Variants in PDS5A observed in about 807,000 individuals in gnomAD.
PDS5A encodes the protein PDS5 cohesin associated factor A, also known as sister chromatid cohesion protein PDS5 homolog A.
In PDS5A, 42 loss-of-function variants were observed where a neutral mutation model predicts 167.1. The observed-to-expected ratio is 0.25, with a 90% CI of 0.20 to 0.33. The LOEUF (loss-of-function observed/expected upper bound fraction) is 0.33. PDS5A is among the 10% of genes least tolerant of loss of function. The probability of loss-of-function intolerance (pLI) is 1.00; values close to 1 mark genes in which losing one functional copy is unlikely to be tolerated. For synonymous variants in PDS5A, 553 were observed against 554.6 expected, an observed-to-expected ratio of 1.00 and a Z score of 0.04; for missense variants, 1,033 against 1,605.9, an observed-to-expected ratio of 0.64 and a Z score of 6.10.
At chr4:39,909,105 T>A (rs933612379) in intron 10 of PDS5A, among the ~76,000 whole-genome samples, 1 of 150,636 alleles carries the variant, frequency 6.6e-6, no homozygotes, top group African/African-American at 2.4e-5. Context: ...TACTTCACAG[T>A]TACATCTTTT....
At chr4:39,871,005 T>C (rs1165040611) in intron 21 of PDS5A, among the ~76,000 whole-genome samples, 1 of 152,162 alleles carries the variant, frequency 6.6e-6, no homozygotes, top group African/African-American at 2.4e-5. Flanking sequence ...AACAACATTC[T>C]GATACATACT....
chr4:39,864,837 T>A lies in PDS5A; in HGVS notation c.2643-1378A>T, dbSNP rs947367266. 2.5e-4 allele frequency among the ~76,000 whole-genome samples: 38 copies of A among 152,246 alleles called. 1 individual carries two copies. Among genetic ancestry groups the A allele is most frequent in the African/African-American group, 9.2e-4 (38 of 41,466 alleles). On this transcript the variant is annotated intron_variant, in intron 23 of 32. Coordinates refer to ENST00000303538, the MANE Select transcript of PDS5A (RefSeq NM_001100399.2). ...TGAGGAAATTGAGGCTTACAAAAGGTAATACTATATTATATGATATCCAGT... is the reference window on the plus strand; with the variant it reads ...TGAGGAAATTGAGGCTTACAAAAGGAAATACTATATTATATGATATCCAGT...
chr4:39,874,475 G>A, intron 19 of PDS5A, 63 bp from the exon 20 acceptor site: 2 of 1,402,362 alleles, frequency 1.4e-6, no homozygotes, highest in South Asian at 1.2e-5. Flanking sequence ...TATTCCTTTG[G>A]TTGACTTCCA....
intron 32 of PDS5A, among the ~76,000 whole-genome samples, chr4:39,829,870 G>C (rs1715672541): frequency 7.3e-6 from 1 of 136,782 alleles, no homozygotes; most frequent in East Asian, 2.4e-4. Context: ...AGAATGGCGT[G>C]AGCCCAGGAG....
chr4:39,842,890 A>G (rs1274759563), intron 30 of PDS5A, among the ~76,000 whole-genome samples: 2 of 88,666 alleles, frequency 2.3e-5, no homozygotes, highest in Non-Finnish European at 4.3e-5. Flanking sequence ...TGTTAGAACA[A>G]TGTAAACTTA....
intron 2 of PDS5A, among the ~76,000 whole-genome samples, chr4:39,964,879 G>C (rs975840672): frequency 7.2e-5 from 11 of 152,020 alleles, no homozygotes; most frequent in African/African-American, 2.7e-4. Context: ...GGGGACAGAG[G>C]TTGCAGTGAG....
At position 39,900,512 on chromosome 4, in the gene PDS5A, AAAGTT is replaced by A. The variant is rs1294058527; in HGVS notation, c.1500-10_1500-6del. On this transcript the variant is annotated splice_polypyrimidine_tract_variant and splice_region_variant and intron_variant, in intron 13 of 32. Coordinates refer to ENST00000303538, the MANE Select transcript of PDS5A (RefSeq NM_001100399.2). ...TTCCACATTTCGTTGAGAGCTCTGT[AAAGTT>A]ATGAATATGAAAACACACATTACAT... is the stretch of plus-strand genomic sequence containing the variant. 6.5e-7 allele frequency: 1 copy of A among 1,549,076 alleles called. No homozygotes were observed. The highest frequency in any genetic ancestry group is 8.8e-7 in the Non-Finnish European group (1 of 1,137,440).
chr4:39,876,974 G>T lies in PDS5A; in HGVS notation c.2153+19C>A. ...CTTAGAAACTTTTGTATTTACCACG[G>T]GAGAAAAAATGTACTCACGATCGTA... On this transcript the variant is annotated intron_variant, in intron 19 of 32. Coordinates refer to ENST00000303538, the MANE Select transcript of PDS5A (RefSeq NM_001100399.2). 6.3e-7 allele frequency: 1 copy of T among 1,582,830 alleles called. No individual in the cohort carries two copies. The highest frequency in any genetic ancestry group is 8.6e-7 in the Non-Finnish European group (1 of 1,160,232).
intron 32 of PDS5A, among the ~76,000 whole-genome samples, chr4:39,836,615 A>ATTTTTT (rs71645192): frequency 5.7e-5 from 6 of 106,126 alleles, no homozygotes; most frequent in East Asian, 2.8e-4. Context: ...ATTTTTTTCT[A>ATTTTTT]TTTTTTTTTT....
intron 2 of PDS5A, among the ~76,000 whole-genome samples, chr4:39,930,246 A>AAAAAAATTTTT: frequency 1.1e-5 from 1 of 93,166 alleles, no homozygotes; most frequent in Non-Finnish European, 2.2e-5. Flanking sequence ...AAAAAAAAAA[A>AAAAAAATTTTT]GTTTTTTTGT....
intron 24 of PDS5A, 113 bp downstream of exon 24, chr4:39,863,223 A>G: frequency 1.1e-6 from 1 of 926,230 alleles, no homozygotes; most frequent in Non-Finnish European, 1.6e-6. Flanking sequence ...ACAGGTAATA[A>G]TAGTAGTGAC....
chr4:39,976,075 A>C (rs1443614323), intron 2 of PDS5A: 1 of 159,016 alleles, frequency 6.3e-6, no homozygotes, highest in Non-Finnish European at 1.4e-5. Context: ...TTTGCGCTTT[A>C]ATCAATCCCC....
At chr4:39,916,693 C>A (rs777053810) in intron 8 of PDS5A, among the ~76,000 whole-genome samples, 1 of 151,974 alleles carries the variant, frequency 6.6e-6, no homozygotes, top group Non-Finnish European at 1.5e-5. Context: ...TGGAGAATCC[C>A]CATCTCTACT....
At chr4:39,858,213 T>G (rs542748901) in intron 26 of PDS5A, among the ~76,000 whole-genome samples, 2 of 152,300 alleles carry the variant, frequency 1.3e-5, no homozygotes, top group African/African-American at 4.8e-5. Context: ...ACAATGGAAT[T>G]TTTTAGAAAT....
In PDS5A at chr4:39,904,436, T is replaced by G. The variant is rs1431956593; in HGVS notation, c.1234-245A>C. Among the ~76,000 whole-genome samples the G allele has an allele frequency of 6.4e-4, 97 of 152,176 alleles. 2 individuals carry two copies. The highest frequency in any genetic ancestry group is 6.3e-3 in the Admixed American group (97 of 15,278). ...TCACTGCAAGCTCCGCCTCCCAGGTTCACACCATTCTCCTGCCTCAGCCTC... is the reference window on the plus strand; with the variant it reads ...TCACTGCAAGCTCCGCCTCCCAGGTGCACACCATTCTCCTGCCTCAGCCTC... On this transcript the variant is annotated intron_variant, in intron 11 of 32. Coordinates refer to ENST00000303538, the MANE Select transcript of PDS5A (RefSeq NM_001100399.2).
chr4:39,871,333 AATC>A (rs1420290870), intron 21 of PDS5A, among the ~76,000 whole-genome samples: 2 of 152,248 alleles, frequency 1.3e-5, no homozygotes, highest in African/African-American at 4.8e-5. Flanking sequence ...ATCTATCAAC[AATC>A]ATCATTTAAG....
At chr4:39,894,075 G>C (rs1214199682) in intron 16 of PDS5A, among the ~76,000 whole-genome samples, 2 of 152,188 alleles carry the variant, frequency 1.3e-5, no homozygotes, top group Admixed American at 6.5e-5. Flanking sequence ...AGAAGTCAAT[G>C]AAACTTTTAA....
intron 2 of PDS5A, among the ~76,000 whole-genome samples, chr4:39,928,712 C>T (rs1725684061): frequency 6.6e-6 from 1 of 151,756 alleles, no homozygotes; most frequent in Non-Finnish European, 1.5e-5. Context: ...GTAGTCCCAG[C>T]TGCATAGGAG....
At position 39,917,043 on chromosome 4, in the gene PDS5A, C is replaced by A; in HGVS notation, c.876+5G>T. 1 of 1,443,020 alleles carries A rather than the reference C, an allele frequency of 6.9e-7. No individual in the cohort carries two copies. Among genetic ancestry groups the A allele is most frequent in the Non-Finnish European group, 9.1e-7 (1 of 1,095,158 alleles). 89.4% of individuals were successfully genotyped at this position (1,443,020 alleles called of 1,614,324 possible). A position where few individuals can be genotyped will look rare whatever the true frequency, so the allele number is the denominator to read the frequency against. On this transcript the variant is annotated splice_donor_5th_base_variant and intron_variant, in intron 8 of 32. Transcript: ENST00000303538. ...AAAAAAAAAAAGAAAACTGGTCAAT[C>A]TTACCTTTAGTTTGAATTCAAGCTG...
Sources: allele counts gnomAD v4.1 joint callset (sites outside exome capture counted in the v4.1 genomes callset), GRCh38; gene constraint gnomAD v4.1.1; transcripts MANE v1.5; gene names NCBI Gene and HGNC (gene_info 2026-07-23, HGNC 2026-07-21).